Variants in CREM observed in about 807,000 individuals in gnomAD.
CREM encodes cAMP-responsive element modulator.
CREM carries 13 observed loss-of-function variants against 37.3 expected under a neutral mutation model. The ratio of observed to expected loss-of-function variants is 0.35; its 90% CI spans 0.23 to 0.55. The LOEUF (loss-of-function observed/expected upper bound fraction) is 0.55, where lower values mean the gene tolerates loss of function less well. Ranked by LOEUF, CREM falls within the 20% of genes least tolerant of loss-of-function variation. CREM has a pLI of 0.88. For missense variants in CREM, 296 were observed against 362.3 expected (o/e 0.82, Z 1.49); for synonymous variants, 124 against 120.2 (o/e 1.03, Z -0.21).
intron 2 of CREM, among the ~76,000 whole-genome samples, chr10:35,142,437 T>C (rs1225446310): frequency 6.6e-6 from 1 of 151,974 alleles, no homozygotes; most frequent in Non-Finnish European, 1.5e-5. Flanking sequence ...GAGTTCTCAT[T>C]AGAGACAGGA....
chr10:35,201,439 C>A, intron 6 of CREM: 2 of 1,551,282 alleles, frequency 1.3e-6, no homozygotes, highest in East Asian at 4.9e-5. Context: ...ATACTGTATC[C>A]CCATTTTACA....
chr10:35,168,238 T>A (rs1176320088), intron 3 of CREM, among the ~76,000 whole-genome samples: 1 of 152,212 alleles, frequency 6.6e-6, no homozygotes, highest in Non-Finnish European at 1.5e-5. Flanking sequence ...TGTTCCTATT[T>A]CTCCACATCC....
At position 35,188,268 on chromosome 10, in the gene CREM, G is replaced by C. The variant is rs368864311; in HGVS notation, c.478G>C (p.Ala160Pro). Residue 160 changes from alanine to proline, a missense_variant, in exon 6 of 8, where the codon GCA (alanine) becomes CCA (proline). Coordinates refer to ENST00000685392, the MANE Select transcript of CREM (RefSeq NM_183011.2). ...ATCTGATGGTGTTCAGGGACTGCAG[G>C]CATTAACAATGACAAATTCAGGAGC... ...PGSDGVQGLQ[A>P]LTMTNSGAPP... 3.7e-6 allele frequency: 6 copies of C among 1,614,018 alleles called. No individual in the cohort carries two copies. In the African/African-American group the frequency reaches 4.0e-5, roughly 11 times the overall value.
At chr10:35,167,048 G>A (rs190405755) in intron 3 of CREM, among the ~76,000 whole-genome samples, 1 of 152,240 alleles carries the variant, frequency 6.6e-6, no homozygotes, top group Non-Finnish European at 1.5e-5. Flanking sequence ...GGCTAAGGCA[G>A]GAGAATTGCT....
chr10:35,195,992 GC>G, intron 6 of CREM: 2 of 1,537,578 alleles, frequency 1.3e-6, no homozygotes, highest in Non-Finnish European at 1.8e-6. Context: ...TTTCTTGTTA[GC>G]CCTACTTTAA....
rs1420879874 is a variant in CREM, at chr10:35,206,962, G to A, written c.666G>A (p.Val222=). ...CTGCTGCTTTGCCACAGGGAGTGGT[G>A]ATGGCTGCATCGCCCGGAAGTTTGC... ...APTAALPQGV[V]MAASPGSLHS... The change falls in exon 7 of 8, where the codon GTG becomes GTA. Residue 222 remains valine (V), a synonymous_variant. Transcript: ENST00000685392. 6.2e-7 allele frequency: 1 copy of A among 1,613,982 alleles called. No homozygotes were observed.
chr10:35,129,382 A>C (rs1206030955), intron 1 of CREM, among the ~76,000 whole-genome samples: 1 of 152,210 alleles, frequency 6.6e-6, no homozygotes, highest in African/African-American at 2.4e-5. Context: ...TACTCAGGTG[A>C]GTCACTGCCT....
chr10:35,180,042 C>A, intron 5 of CREM, among the ~76,000 whole-genome samples: 1 of 152,106 alleles, frequency 6.6e-6, no homozygotes, highest in East Asian at 1.9e-4. Context: ...ATATTCCTGT[C>A]CTTTCTGAAG....
chr10:35,205,553 G>T (rs965682468), intron 6 of CREM, among the ~76,000 whole-genome samples: 6 of 152,178 alleles, frequency 3.9e-5, no homozygotes, highest in Non-Finnish European at 8.8e-5. Flanking sequence ...ATGATATGGA[G>T]TATAGGAAAA....
chr10:35,167,768 G>A, intron 3 of CREM: 2 of 1,614,136 alleles, frequency 1.2e-6, no homozygotes, highest in Non-Finnish European at 1.7e-6. Flanking sequence ...GCGTCCTATA[G>A]AAGAGGATTA....
intron 3 of CREM, among the ~76,000 whole-genome samples, chr10:35,174,659 T>C (rs1033256516): frequency 1.3e-5 from 2 of 152,248 alleles, no homozygotes; most frequent in African/African-American, 4.8e-5. Flanking sequence ...TGGTGACTTA[T>C]TTCCAAGGTC....
chr10:35,182,661 T>C (rs1353117655), intron 5 of CREM, among the ~76,000 whole-genome samples: 1 of 152,098 alleles, frequency 6.6e-6, no homozygotes, highest in South Asian at 2.1e-4. Context: ...GTTGGCCTTA[T>C]TATATTGACT....
chr10:35,170,081 G>A (rs1258494470), intron 3 of CREM, among the ~76,000 whole-genome samples: 3 of 150,950 alleles, frequency 2.0e-5, no homozygotes, highest in Non-Finnish European at 4.4e-5. Flanking sequence ...TCCTGCTTCA[G>A]CCTCCCTAGT....
intron 3 of CREM, chr10:35,175,440 C>T (rs1030313684): frequency 6.0e-5 from 26 of 435,896 alleles, no homozygotes; most frequent in East Asian, 1.4e-4. Flanking sequence ...AGCAAGACTC[C>T]GTCTCAAAAA....
chr10:35,137,070 T>C (rs552063462), intron 1 of CREM, among the ~76,000 whole-genome samples: 20 of 152,272 alleles, frequency 1.3e-4, no homozygotes, highest in Admixed American at 1.3e-3. Context: ...TACCTCAGCC[T>C]CCCGCAGTGC....
intron 3 of CREM, among the ~76,000 whole-genome samples, chr10:35,160,714 C>T (rs1180505632): frequency 6.6e-6 from 1 of 152,238 alleles, no homozygotes; most frequent in Non-Finnish European, 1.5e-5. Flanking sequence ...GCTTAAAACA[C>T]AAACATATTA....
Position 35,209,530 on chromosome 10 carries a change from A to G in CREM, c.756-1724A>G, listed in dbSNP as rs7895010. 3.4e-3 allele frequency: 576 copies of G among 169,798 alleles called. 1 individual carries two copies. The highest frequency in any genetic ancestry group is 0.013 in the African/African-American group (542 of 41,850). The allele number at this position is 169,798 out of a possible 1,614,324, so 10.5% of individuals were successfully genotyped here. On this transcript the variant is annotated intron_variant, in intron 7 of 7. Transcript: ENST00000685392. The stretch of plus-strand genomic sequence containing the variant: ...GTAATATGTGTGTCTGTGCATGCAC[A>G]CACACACATGCACACTCAAATGTAG...
intron 3 of CREM, among the ~76,000 whole-genome samples, chr10:35,169,136 A>C (rs1392535660): frequency 6.6e-6 from 1 of 152,180 alleles, no homozygotes; most frequent in African/African-American, 2.4e-5. Context: ...TCTCTGAAGA[A>C]AGTCATTGGT....
intron 3 of CREM, chr10:35,154,076 G>A (rs563477829): frequency 5.0e-6 from 2 of 398,534 alleles, no homozygotes; most frequent in African/African-American, 4.1e-5. Flanking sequence ...AATGTGTAAG[G>A]AGTCCCTCGG....
Sources: gnomAD v4.1 joint callset for allele counts (sites outside exome capture counted in the v4.1 genomes callset) on GRCh38, gnomAD v4.1.1 for gene constraint, MANE v1.5 for transcripts, NCBI Gene and HGNC (gene_info 2026-07-23, HGNC 2026-07-21) for gene names.